Variants in LRRTM4 observed in about 807,000 individuals in gnomAD.
LRRTM4 encodes leucine rich repeat transmembrane neuronal 4.
In LRRTM4, 25 loss-of-function variants were observed where a neutral mutation model predicts 47.6. The observed-to-expected ratio is 0.53, with a 90% CI of 0.38 to 0.73. The LOEUF (loss-of-function observed/expected upper bound fraction) is 0.73, where lower values mean the gene tolerates loss of function less well. Among genes scored for constraint, LRRTM4 ranks in the 30% least tolerant of loss-of-function variants. The probability of loss-of-function intolerance (pLI) is 0.00; values close to 1 mark genes in which losing one functional copy is unlikely to be tolerated. For synonymous variants in LRRTM4, 311 were observed against 269.5 expected (o/e 1.15, Z -1.51); for missense variants, 638 against 713.4 (o/e 0.89, Z 1.20).
chr2:77,360,396 G>C (rs1672145512), intron 3 of LRRTM4, among the ~76,000 whole-genome samples: 1 of 152,074 alleles, frequency 6.6e-6, no homozygotes. Flanking sequence ...GGCGGAGCTT[G>C]CAGTGAGCCA....
At chr2:77,083,349 CA>C (rs1680592514) in intron 3 of LRRTM4, among the ~76,000 whole-genome samples, 1 of 152,050 alleles carries the variant, frequency 6.6e-6, no homozygotes, top group African/African-American at 2.4e-5. Flanking sequence ...TTTAATATCC[CA>C]AATTCTCAGG....
At chr2:77,093,608 G>A (rs906592087) in intron 3 of LRRTM4, among the ~76,000 whole-genome samples, 1 of 151,530 alleles carries the variant, frequency 6.6e-6, no homozygotes, top group African/African-American at 2.4e-5. Context: ...AATTTTCGCT[G>A]CCCCAACACT....
intron 3 of LRRTM4, among the ~76,000 whole-genome samples, chr2:77,260,134 G>A (rs1675879039): frequency 6.6e-6 from 1 of 151,976 alleles, no homozygotes; most frequent in Non-Finnish European, 1.5e-5. Flanking sequence ...GTCTTTACTA[G>A]ATTTTTAAGA....
At chr2:76,863,171 GGA>G (rs1211057137) in intron 3 of LRRTM4, among the ~76,000 whole-genome samples, 1 of 152,018 alleles carries the variant, frequency 6.6e-6, no homozygotes, top group Non-Finnish European at 1.5e-5. Context: ...AAAATTTTAC[GGA>G]GAGAGAAAAA....
intron 3 of LRRTM4, among the ~76,000 whole-genome samples, chr2:77,477,944 AAAG>A (rs1677496871): frequency 6.7e-6 from 1 of 148,848 alleles, no homozygotes; most frequent in East Asian, 1.9e-4. Flanking sequence ...AGAAAGAAAG[AAAG>A]AAAGAAAGAA....
At chr2:77,035,076 A>G (rs1327990749) in intron 3 of LRRTM4, among the ~76,000 whole-genome samples, 2 of 151,436 alleles carry the variant, frequency 1.3e-5, no homozygotes, top group East Asian at 1.9e-4. Context: ...ATTGTTTTTT[A>G]TTATACTTTA....
At chr2:77,047,951 C>G (rs185575239) in intron 3 of LRRTM4, among the ~76,000 whole-genome samples, 24 of 152,088 alleles carry the variant, frequency 1.6e-4, no homozygotes, top group Non-Finnish European at 3.4e-4. Context: ...AGTGAAGTAA[C>G]AGTTAACTTT....
chr2:77,117,376 T>C (rs1322841654), intron 3 of LRRTM4, among the ~76,000 whole-genome samples: 2 of 151,982 alleles, frequency 1.3e-5, no homozygotes, highest in Non-Finnish European at 2.9e-5. Context: ...ATCTCTTACA[T>C]GTTTTATGAA....
intron 3 of LRRTM4, among the ~76,000 whole-genome samples, chr2:76,929,581 G>C (rs1367764149): frequency 6.6e-6 from 1 of 152,146 alleles, no homozygotes; most frequent in Non-Finnish European, 1.5e-5. Flanking sequence ...CAGTGAGAAA[G>C]TCTAAATATC....
At chr2:77,039,776 T>C (rs1000006784) in intron 3 of LRRTM4, among the ~76,000 whole-genome samples, 13 of 151,164 alleles carry the variant, frequency 8.6e-5, no homozygotes, top group Admixed American at 2.0e-4. Context: ...AATTTTTGTC[T>C]TTTTCTTTAT....
chr2:77,126,387 G>A (rs1671653747), intron 3 of LRRTM4, among the ~76,000 whole-genome samples: 1 of 152,094 alleles, frequency 6.6e-6, no homozygotes, highest in South Asian at 2.1e-4. Flanking sequence ...ATAAAGCAAG[G>A]AGAAGTAGAG....
At chr2:76,782,676 T>C (rs1674467389) in intron 3 of LRRTM4, among the ~76,000 whole-genome samples, 1 of 152,208 alleles carries the variant, frequency 6.6e-6, no homozygotes, top group Non-Finnish European at 1.5e-5. Context: ...TAACTTTTTC[T>C]GATTTTTTTC....
At chr2:76,834,729 G>T (rs1671458340) in intron 3 of LRRTM4, among the ~76,000 whole-genome samples, 1 of 151,972 alleles carries the variant, frequency 6.6e-6, no homozygotes, top group Non-Finnish European at 1.5e-5. Flanking sequence ...TTTTCTTGAA[G>T]AAATGATACA....
intron 3 of LRRTM4, among the ~76,000 whole-genome samples, chr2:77,091,798 T>C (rs930042722): frequency 6.7e-6 from 1 of 150,366 alleles, no homozygotes; most frequent in Non-Finnish European, 1.5e-5. Flanking sequence ...CCTCATCTGT[T>C]ACCTATCTTG....
At chr2:77,477,533 T>C (rs1448391187) in intron 3 of LRRTM4, among the ~76,000 whole-genome samples, 1 of 152,014 alleles carries the variant, frequency 6.6e-6, no homozygotes, top group East Asian at 1.9e-4. Flanking sequence ...AAAGTATATG[T>C]AATGTTTTGT....
chr2:77,104,455 A>G (rs1477738252), intron 3 of LRRTM4, among the ~76,000 whole-genome samples: 2 of 152,216 alleles, frequency 1.3e-5, no homozygotes, highest in Non-Finnish European at 2.9e-5. Context: ...ATTTGAAGGC[A>G]GTGGTGATAT....
intron 3 of LRRTM4, among the ~76,000 whole-genome samples, chr2:77,119,003 T>C (rs1206962913): frequency 6.6e-6 from 1 of 151,838 alleles, no homozygotes; most frequent in Non-Finnish European, 1.5e-5. Flanking sequence ...CCTGGCATAG[T>C]ACTCACAACC....
intron 3 of LRRTM4, among the ~76,000 whole-genome samples, chr2:76,948,124 C>CA (rs762236980): frequency 1.3e-5 from 2 of 151,754 alleles, no homozygotes; most frequent in African/African-American, 2.4e-5. Flanking sequence ...TTCACGGCAA[C>CA]AGCAAGTAAT....
intron 3 of LRRTM4, among the ~76,000 whole-genome samples, chr2:77,035,230 T>G (rs1284486164): frequency 6.6e-6 from 1 of 151,168 alleles, no homozygotes; most frequent in African/African-American, 2.4e-5. Flanking sequence ...CCCCGGTGTG[T>G]GATGTCCAGA....
Sources: allele counts gnomAD v4.1 joint callset (sites outside exome capture counted in the v4.1 genomes callset), GRCh38; gene constraint gnomAD v4.1.1; transcripts MANE v1.5; gene names NCBI Gene and HGNC (gene_info 2026-07-23, HGNC 2026-07-21).